FERRY3: variants seen among roughly 807,000 people sequenced by gnomAD.
FERRY3 encodes protein C12orf4.
At chr12:4,529,987 G>A in the FERRY3 span, 1 of 1,613,192 alleles carries the variant, frequency 6.2e-7, no homozygotes, top group Non-Finnish European at 8.5e-7. Context: ...ATTAAGTCAT[G>A]GTACACATCT....
At chr12:4,525,680 A>T in the FERRY3 span, 2 of 860,030 alleles carry the variant, frequency 2.3e-6, no homozygotes, top group Non-Finnish European at 3.5e-6. Context: ...TGAAAATAAA[A>T]AATTTATTTT....
chr12:4,536,816 A>C, the FERRY3 span, among the ~76,000 whole-genome samples: 3 of 152,222 alleles, frequency 2.0e-5, no homozygotes, highest in African/African-American at 7.2e-5. Context: ...GGCAGTAAGA[A>C]TCAACATCAA....
the FERRY3 span, chr12:4,518,815 T>G: frequency 1.3e-6 from 2 of 1,594,844 alleles, no homozygotes; most frequent in Non-Finnish European, 1.7e-6. Context: ...TCTCTGTTCC[T>G]CATAAATCCT....
At chr12:4,492,161 AAAT>A in the FERRY3 span, among the ~76,000 whole-genome samples, 25 of 152,210 alleles carry the variant, frequency 1.6e-4, no homozygotes, top group Non-Finnish European at 3.2e-4. Flanking sequence ...ATTAATTTAA[AAAT>A]AATAAACCCA....
At chr12:4,505,029 C>T in the FERRY3 span, among the ~76,000 whole-genome samples, 3 of 152,286 alleles carry the variant, frequency 2.0e-5, no homozygotes, top group South Asian at 2.1e-4. Context: ...CGCTTGAACC[C>T]GGGTGGCAGA....
At chr12:4,505,037 A>G in the FERRY3 span, among the ~76,000 whole-genome samples, 1 of 152,206 alleles carries the variant, frequency 6.6e-6, no homozygotes, top group South Asian at 2.1e-4. Context: ...CCCGGGTGGC[A>G]GAGGTTGCAG....
At chr12:4,493,354 C>G in the FERRY3 span, among the ~76,000 whole-genome samples, 3 of 152,178 alleles carry the variant, frequency 2.0e-5, no homozygotes, top group African/African-American at 7.2e-5. Context: ...TAATACTGAG[C>G]AATACACATG....
At chr12:4,519,783 C>T in the FERRY3 span, among the ~76,000 whole-genome samples, 2 of 152,156 alleles carry the variant, frequency 1.3e-5, no homozygotes, top group Admixed American at 6.5e-5. This position sits in a 1 kb window ranked among gnomAD's most constrained non-coding sequence, Gnocchi z 4.3. Flanking sequence ...CTCATAGGAG[C>T]GTGAACTGTA....
At chr12:4,495,096 G>T in the FERRY3 span, among the ~76,000 whole-genome samples, 3 of 152,112 alleles carry the variant, frequency 2.0e-5, no homozygotes, top group Non-Finnish European at 4.4e-5. Context: ...ACTATTGTAT[G>T]GTCTGTGTTT....
At chr12:4,515,858 C>T in the FERRY3 span, among the ~76,000 whole-genome samples, 7 of 152,234 alleles carry the variant, frequency 4.6e-5, no homozygotes, top group South Asian at 4.1e-4. Context: ...TATGCTAATT[C>T]GTTTGAAGTA....
At chr12:4,522,132 A>C in the FERRY3 span, among the ~76,000 whole-genome samples, 1 of 152,174 alleles carries the variant, frequency 6.6e-6, no homozygotes, top group Non-Finnish European at 1.5e-5. Context: ...GGATGCTGAT[A>C]ATGGGGAAGA....
the FERRY3 span, chr12:4,517,122 A>G: frequency 6.2e-7 from 1 of 1,600,734 alleles, no homozygotes; most frequent in Admixed American, 1.7e-5. Flanking sequence ...CCTGTTGGAC[A>G]ACTTCTAATT....
At chr12:4,529,827 A>G in the FERRY3 span, 4 of 1,473,018 alleles carry the variant, frequency 2.7e-6, no homozygotes, top group Non-Finnish European at 3.6e-6. Context: ...TCTATTTGAC[A>G]ACGTAACATT....
chr12:4,503,695 A>G, the FERRY3 span, among the ~76,000 whole-genome samples: 7,642 of 152,232 alleles, frequency 0.05, 634 homozygotes, highest in African/African-American at 0.17. Flanking sequence ...GAGATAAAGT[A>G]TACAAATAAG....
chr12:4,521,342 TG>T, the FERRY3 span, among the ~76,000 whole-genome samples: 3 of 151,758 alleles, frequency 2.0e-5, no homozygotes, highest in African/African-American at 7.3e-5. Context: ...TACTCCAGCC[TG>T]GGAGACAGAG....
the FERRY3 span, chr12:4,525,075 C>A: frequency 1.5e-6 from 1 of 686,668 alleles, no homozygotes; most frequent in East Asian, 2.8e-5. Context: ...ACCATTGCCC[C>A]CCAAATAATC....
chr12:4,492,582 G>C, the FERRY3 span, among the ~76,000 whole-genome samples: 2 of 152,140 alleles, frequency 1.3e-5, no homozygotes, highest in African/African-American at 4.8e-5. Context: ...ACATACCTTA[G>C]GACCACTCCT....
chr12:4,534,315 C>T, the FERRY3 span: 1 of 1,580,808 alleles, frequency 6.3e-7, no homozygotes, highest in South Asian at 1.2e-5. Flanking sequence ...GTTACAGGGA[C>T]ATCAAACACC....
the FERRY3 span, among the ~76,000 whole-genome samples, chr12:4,508,327 CAAAG>C: frequency 1.3e-5 from 2 of 152,074 alleles, no homozygotes; most frequent in African/African-American, 2.4e-5. Context: ...CAGGTGCAAA[CAAAG>C]AAAAGAAAGA....
Sources: gnomAD v4.1 joint callset for allele counts (sites outside exome capture counted in the v4.1 genomes callset) on GRCh38, gnomAD v4.1.1 for gene constraint, Gnocchi (gnomAD v3.1) non-coding constraint, MANE v1.5 for transcripts, NCBI Gene and HGNC (gene_info 2026-07-23, HGNC 2026-07-21) for gene names.